The following ARB2A variants were observed in gnomAD, a reference collection of about 807,000 sequenced individuals.
ARB2A encodes cotranscriptional regulator ARB2A.
At chr5:94,006,717 C>T in the ARB2A span, among the ~76,000 whole-genome samples, 1 of 152,078 alleles carries the variant, frequency 6.6e-6, no homozygotes, top group South Asian at 2.1e-4. Flanking sequence ...TATTTTAATT[C>T]ATACAAATCT....
At chr5:93,900,482 G>A in the ARB2A span, among the ~76,000 whole-genome samples, 1 of 151,762 alleles carries the variant, frequency 6.6e-6, no homozygotes, top group African/African-American at 2.4e-5. Context: ...TTGGTGGTGC[G>A]CACCTGTGGT....
chr5:93,923,755 G>A, the ARB2A span, among the ~76,000 whole-genome samples: 1 of 152,130 alleles, frequency 6.6e-6, no homozygotes, highest in Non-Finnish European at 1.5e-5. Context: ...GTTACAATGG[G>A]CTATGATCAC....
At chr5:94,016,789 CA>C in the ARB2A span, among the ~76,000 whole-genome samples, 30 of 152,266 alleles carry the variant, frequency 2.0e-4, no homozygotes, top group African/African-American at 7.0e-4. Context: ...ATGGGTTTTA[CA>C]GATGCTAAGA....
the ARB2A span, among the ~76,000 whole-genome samples, chr5:93,901,412 C>T: frequency 1.3e-5 from 2 of 152,088 alleles, no homozygotes; most frequent in Non-Finnish European, 2.9e-5. Context: ...TGAACAGAAG[C>T]GTAGCTCATG....
At chr5:94,010,804 AACAAAAGGAAAATTAAAACAACTAAAGGC>A in the ARB2A span, among the ~76,000 whole-genome samples, 104 of 152,278 alleles carry the variant, frequency 6.8e-4, 2 homozygotes, top group South Asian at 3.1e-3. Context: ...TTTACATAAA[AACAAAAGGAAAATTAAAACAACTAAAGGC>A]ACAAAAGGAA....
At chr5:93,909,222 T>G in the ARB2A span, among the ~76,000 whole-genome samples, 1 of 151,076 alleles carries the variant, frequency 6.6e-6, no homozygotes, top group Non-Finnish European at 1.5e-5. Flanking sequence ...TGAATAAGTT[T>G]CCCTTTCCTA....
chr5:93,808,420 C>T, the ARB2A span, among the ~76,000 whole-genome samples: 1 of 148,568 alleles, frequency 6.7e-6, no homozygotes, highest in East Asian at 2.0e-4. Context: ...AAAAAACCCA[C>T]ATACAATCCC....
At chr5:93,705,056 GA>G in the ARB2A span, among the ~76,000 whole-genome samples, 4 of 152,192 alleles carry the variant, frequency 2.6e-5, no homozygotes, top group Non-Finnish European at 4.4e-5. Context: ...TTTGGGTAAA[GA>G]GGGGAAGGAG....
At chr5:93,727,984 T>C in the ARB2A span, among the ~76,000 whole-genome samples, 1 of 152,102 alleles carries the variant, frequency 6.6e-6, no homozygotes, top group African/African-American at 2.4e-5. Flanking sequence ...TGGACTCTCA[T>C]TTTAGAAAGT....
At chr5:93,782,442 T>C in the ARB2A span, among the ~76,000 whole-genome samples, 1 of 152,316 alleles carries the variant, frequency 6.6e-6, no homozygotes, top group African/African-American at 2.4e-5. Flanking sequence ...TTCTTAATTA[T>C]TGATTTACCT....
the ARB2A span, among the ~76,000 whole-genome samples, chr5:93,794,473 A>T: frequency 6.6e-6 from 1 of 151,950 alleles, no homozygotes; most frequent in Non-Finnish European, 1.5e-5. Context: ...AGCTGGTATG[A>T]TCTCTTGGGG....
At chr5:94,041,034 T>C in the ARB2A span, among the ~76,000 whole-genome samples, 1 of 152,262 alleles carries the variant, frequency 6.6e-6, no homozygotes, top group Admixed American at 6.5e-5. Context: ...AAGCCTGGCA[T>C]GTCAGCAAAA....
the ARB2A span, among the ~76,000 whole-genome samples, chr5:93,947,786 G>C: frequency 0.023 from 3,470 of 149,530 alleles, 78 homozygotes; most frequent in Non-Finnish European, 0.031. Flanking sequence ...TTGTTCTTGC[G>C]ATAGTTTACT....
chr5:94,084,119 C>T, the ARB2A span, among the ~76,000 whole-genome samples: 1 of 151,392 alleles, frequency 6.6e-6, no homozygotes, highest in Non-Finnish European at 1.5e-5. Context: ...ACTGAGTATA[C>T]AAAAATTAGC....
At chr5:93,685,412 C>T in the ARB2A span, among the ~76,000 whole-genome samples, 2 of 152,126 alleles carry the variant, frequency 1.3e-5, no homozygotes, top group African/African-American at 2.4e-5. Context: ...TTAAATTCCT[C>T]CATTTACTTG....
chr5:93,706,783 T>C, the ARB2A span, among the ~76,000 whole-genome samples: 1 of 151,892 alleles, frequency 6.6e-6, no homozygotes, highest in Non-Finnish European at 1.5e-5. Flanking sequence ...GGGGAATTGC[T>C]TGAACCCAGG....
At chr5:93,740,766 A>G in the ARB2A span, 1 of 1,612,238 alleles carries the variant, frequency 6.2e-7, no homozygotes. Flanking sequence ...TGGTTGGTCG[A>G]CTGCCCATCT....
At chr5:93,683,666 G>T in the ARB2A span, 266 of 1,605,622 alleles carry the variant, frequency 1.7e-4, no homozygotes, top group Non-Finnish European at 2.1e-4. Context: ...CAACCGAAAA[G>T]ATAGTTCTGG....
chr5:93,810,756 G>A, the ARB2A span, among the ~76,000 whole-genome samples: 2 of 151,958 alleles, frequency 1.3e-5, no homozygotes, highest in Non-Finnish European at 2.9e-5. Context: ...CTAATCTAGT[G>A]CTCTTTTTTT....
Sources: gnomAD v4.1 joint callset for allele counts (sites outside exome capture counted in the v4.1 genomes callset) on GRCh38, gnomAD v4.1.1 for gene constraint, MANE v1.5 for transcripts, NCBI Gene and HGNC (gene_info 2026-07-23, HGNC 2026-07-21) for gene names.